The following PRMT3 variants were observed in gnomAD, a reference collection of about 807,000 sequenced individuals.
The protein encoded by PRMT3 is protein arginine N-methyltransferase 3.
Under a neutral mutation model 71.9 loss-of-function variants are expected in PRMT3, and 62 were observed. That is an observed-to-expected ratio of 0.86 (90% CI 0.70 to 1.07). The LOEUF (loss-of-function observed/expected upper bound fraction) is 1.07. Among genes scored for constraint, PRMT3 ranks in the 50% least tolerant of loss-of-function variants. The pLI is 0.00. For missense variants in PRMT3, 663 were observed against 643.0 expected (o/e 1.03, Z -0.34); for synonymous variants, 213 against 220.4 (o/e 0.97, Z 0.30).
intron 13 of PRMT3, among the ~76,000 whole-genome samples, chr11:20,485,159 G>C (rs1387374443): frequency 6.6e-6 from 1 of 152,136 alleles, no homozygotes; most frequent in Non-Finnish European, 1.5e-5. Flanking sequence ...CAAGTCATCT[G>C]GGTGGTCCAG....
chr11:20,449,607 T>C (rs1293990859), intron 10 of PRMT3, among the ~76,000 whole-genome samples: 1 of 152,130 alleles, frequency 6.6e-6, no homozygotes, highest in Non-Finnish European at 1.5e-5. Flanking sequence ...AATGGTGCTT[T>C]GGGGAAGAAT....
At chr11:20,438,369 C>T (rs2133368096) in intron 10 of PRMT3, among the ~76,000 whole-genome samples, 1 of 152,092 alleles carries the variant, frequency 6.6e-6, no homozygotes, top group Middle Eastern at 3.4e-3. Context: ...GGTGCAGCAG[C>T]AGCAAGTACC....
intron 7 of PRMT3, among the ~76,000 whole-genome samples, chr11:20,400,545 A>C (rs924466571): frequency 1.3e-5 from 2 of 152,302 alleles, no homozygotes; most frequent in Admixed American, 1.3e-4. Flanking sequence ...CATTTATCAC[A>C]GATCATAGTA....
At chr11:20,480,660 A>T (rs1172266630) in intron 13 of PRMT3, among the ~76,000 whole-genome samples, 1 of 152,170 alleles carries the variant, frequency 6.6e-6, no homozygotes, top group Non-Finnish European at 1.5e-5. Context: ...TTATTCTAGT[A>T]GCTTTGCAGT....
At chr11:20,395,987 A>T in intron 6 of PRMT3, 25 bp downstream of exon 6, 1 of 1,610,160 alleles carries the variant, frequency 6.2e-7, no homozygotes. Context: ...TTGCAAAATT[A>T]ATTGTTTTAG....
At chr11:20,436,302 T>C (rs1257796558) in intron 10 of PRMT3, among the ~76,000 whole-genome samples, 2 of 152,230 alleles carry the variant, frequency 1.3e-5, no homozygotes, top group Admixed American at 1.3e-4. Flanking sequence ...TTCTCTTGCC[T>C]GATTGCTCTG....
At chr11:20,491,403 GATGTTGTGCATGCT>G (rs893671062) in intron 13 of PRMT3, among the ~76,000 whole-genome samples, 4 of 152,116 alleles carry the variant, frequency 2.6e-5, no homozygotes, top group African/African-American at 9.7e-5. Flanking sequence ...TTGCACCTTA[GATGTTGTGCATGCT>G]ATGTTGTGTA....
chr11:20,429,646 T>A (rs1849614829), intron 10 of PRMT3, among the ~76,000 whole-genome samples: 1 of 152,208 alleles, frequency 6.6e-6, no homozygotes, highest in Non-Finnish European at 1.5e-5. Context: ...CTTTTCTTCT[T>A]CCTCACCACA....
At chr11:20,486,440 G>A (rs1851074040) in intron 13 of PRMT3, among the ~76,000 whole-genome samples, 3 of 152,118 alleles carry the variant, frequency 2.0e-5, no homozygotes, top group Admixed American at 1.3e-4. Flanking sequence ...CTTTAAAGAA[G>A]AGCTAAGTAG....
At position 20,392,268 on chromosome 11, in the gene PRMT3, G is replaced by A. The variant is rs1019100932; in HGVS notation, c.297+8G>A. 1.0e-5 allele frequency: 16 copies of A among 1,558,014 alleles called. No homozygotes were observed. Among genetic ancestry groups the A allele is most frequent in the Non-Finnish European group, 1.3e-5 (15 of 1,143,072 alleles). On this transcript the variant is annotated splice_region_variant and intron_variant, in intron 4 of 15. Coordinates refer to ENST00000331079, the MANE Select transcript of PRMT3 (RefSeq NM_005788.4). Reference sequence around the variant, plus strand: ...AATTTTATTAGACTTAAGGTAAGTTGACAGCTTAATTTATAATTTCGTTTA... The same window carrying A: ...AATTTTATTAGACTTAAGGTAAGTTAACAGCTTAATTTATAATTTCGTTTA...
At chr11:20,483,554 CAAAAAA>C (rs10583759) in intron 13 of PRMT3, among the ~76,000 whole-genome samples, 1 of 135,776 alleles carries the variant, frequency 7.4e-6, no homozygotes, top group Non-Finnish European at 1.6e-5. Flanking sequence ...CAGAGATTGC[CAAAAAA>C]AAAAAAAAAA....
chr11:20,500,343 T>C (rs1225505224), intron 15 of PRMT3, among the ~76,000 whole-genome samples: 1 of 152,208 alleles, frequency 6.6e-6, no homozygotes, highest in Non-Finnish European at 1.5e-5. Flanking sequence ...GAATTTCCTT[T>C]ATTAATTCAG....
intron 3 of PRMT3, among the ~76,000 whole-genome samples, chr11:20,391,994 C>A (rs1465083743): frequency 1.3e-5 from 2 of 152,112 alleles, no homozygotes; most frequent in African/African-American, 4.8e-5. Flanking sequence ...TTTAGAAATA[C>A]TAGAAAAGCT....
At chr11:20,480,212 C>A (rs1043308332) in intron 13 of PRMT3, among the ~76,000 whole-genome samples, 1 of 152,114 alleles carries the variant, frequency 6.6e-6, no homozygotes, top group East Asian at 1.9e-4. Context: ...AGGAGTGGTC[C>A]GTATCTTGAT....
At chr11:20,434,017 C>T (rs1243390820) in intron 10 of PRMT3, among the ~76,000 whole-genome samples, 8 of 152,136 alleles carry the variant, frequency 5.3e-5, no homozygotes, top group South Asian at 2.1e-4. Flanking sequence ...GTTGCCTTTT[C>T]GCCTCAATCT....
chr11:20,462,700 TGTTAATCTCTGG>T (rs1850413841), intron 12 of PRMT3, among the ~76,000 whole-genome samples: 1 of 152,198 alleles, frequency 6.6e-6, no homozygotes, highest in South Asian at 2.1e-4. Context: ...TTTTTTGCCA[TGTTAATCTCTGG>T]GTTTATTATG....
At position 20,509,068 on chromosome 11, in the gene PRMT3, T is replaced by G. The variant is rs567410000; in HGVS notation, c.*655T>G. The G allele has an allele frequency of 1.3e-5, 2 of 153,220 alleles. No individual in the cohort carries two copies. Among genetic ancestry groups the G allele is most frequent in the African/African-American group, 4.8e-5 (2 of 41,582 alleles). The allele number at this position is 153,220 out of a possible 1,614,324, so 9.5% of individuals were successfully genotyped here. A position where few individuals can be genotyped will look rare whatever the true frequency, so the allele number is the denominator to read the frequency against. On this transcript the variant is annotated 3_prime_UTR_variant, in exon 16 of 16. Transcript: ENST00000331079. ...TTCTAGTACTGCCCAGGAAATCTAA[T>G]TTCAATACATTTATCCTAGGTTTCA... is the stretch of plus-strand genomic sequence containing the variant.
At chr11:20,396,367 G>A (rs529761852) in intron 6 of PRMT3, among the ~76,000 whole-genome samples, 27 of 152,166 alleles carry the variant, frequency 1.8e-4, no homozygotes, top group Admixed American at 4.6e-4. Context: ...GGCCGGGTGC[G>A]GTGGCTCACA....
chr11:20,393,459 C>A (rs1031397548), intron 5 of PRMT3, among the ~76,000 whole-genome samples: 1 of 152,150 alleles, frequency 6.6e-6, no homozygotes, highest in Non-Finnish European at 1.5e-5. Flanking sequence ...TTAATTGCTT[C>A]ATGTATTTTG....
Sources: allele counts gnomAD v4.1 joint callset (sites outside exome capture counted in the v4.1 genomes callset), GRCh38; gene constraint gnomAD v4.1.1; transcripts MANE v1.5; gene names NCBI Gene and HGNC (gene_info 2026-07-23, HGNC 2026-07-21).